The following TCAIM variants were observed in gnomAD, a reference collection of about 807,000 sequenced individuals.
The protein encoded by TCAIM is T cell activation inhibitor, mitochondrial.
TCAIM carries 36 observed loss-of-function variants against 58.6 expected under a neutral mutation model. That is an observed-to-expected ratio of 0.61 (90% CI 0.47 to 0.81). TCAIM has a LOEUF of 0.81. Among genes scored for constraint, TCAIM ranks in the 30% least tolerant of loss-of-function variants. The pLI is 0.00. For synonymous variants in TCAIM, 172 were observed against 193.6 expected, an observed-to-expected ratio of 0.89 and a Z score of 0.93; for missense variants, 466 against 579.6, an observed-to-expected ratio of 0.80 and a Z score of 2.01.
chr3:44,372,036 AGG>A lies in TCAIM; in HGVS notation c.572+4329_572+4330del, dbSNP rs1559570958. 3.5e-3 allele frequency among the ~76,000 whole-genome samples: 513 copies of A among 146,700 alleles called. 8 individuals are homozygous for A. The highest frequency in any genetic ancestry group is 0.012 in the African/African-American group (486 of 40,010). ...AAGGAAGGAAGGAAGGAAGGAAGGA[AGG>A]AAGGAAGGAAGGAAGGAAGGAAGGA... On this transcript the variant is annotated intron_variant, in intron 5 of 10. Coordinates refer to ENST00000342649, the MANE Select transcript of TCAIM (RefSeq NM_173826.4).
At chr3:44,378,436 G>T (rs1443150750) in intron 5 of TCAIM, among the ~76,000 whole-genome samples, 1 of 151,364 alleles carries the variant, frequency 6.6e-6, no homozygotes, top group East Asian at 2.0e-4. Flanking sequence ...CCATTAAAAA[G>T]CAGGCAAAGA....
intron 1 of TCAIM, among the ~76,000 whole-genome samples, chr3:44,351,547 TG>T (rs1231838548): frequency 5.9e-5 from 9 of 152,080 alleles, no homozygotes; most frequent in African/African-American, 2.2e-4. Context: ...CAGGCTGGAG[TG>T]CAGTGGCGTG....
chr3:44,370,981 G>A (rs890646403), intron 5 of TCAIM, among the ~76,000 whole-genome samples: 16 of 148,544 alleles, frequency 1.1e-4, no homozygotes, highest in East Asian at 2.0e-4. Context: ...GCCCTATCTC[G>A]GCTCACTGCA....
At chr3:44,366,176 A>T (rs1701370815) in intron 4 of TCAIM, among the ~76,000 whole-genome samples, 1 of 151,998 alleles carries the variant, frequency 6.6e-6, no homozygotes, top group African/African-American at 2.4e-5. Flanking sequence ...TTAAGCTGGA[A>T]CCATGCCTAA....
chr3:44,351,965 T>TA (rs1381992785), intron 1 of TCAIM, among the ~76,000 whole-genome samples: 2 of 151,470 alleles, frequency 1.3e-5, no homozygotes, highest in Non-Finnish European at 2.9e-5. Flanking sequence ...ATTCTATTAA[T>TA]AACAGTTATG....
chr3:44,350,938 G>T (rs1278293055), intron 1 of TCAIM, among the ~76,000 whole-genome samples: 1 of 152,050 alleles, frequency 6.6e-6, no homozygotes, highest in African/African-American at 2.4e-5. Context: ...ATGAAGTTTG[G>T]GTGAGAATTT....
intron 1 of TCAIM, among the ~76,000 whole-genome samples, chr3:44,350,333 TC>T (rs1162967625): frequency 1.3e-5 from 2 of 152,168 alleles, no homozygotes; most frequent in African/African-American, 4.8e-5. Context: ...CTTTTGTGAT[TC>T]TTCAGTTACT....
At chr3:44,396,164 T>C (rs995546645) in intron 6 of TCAIM, among the ~76,000 whole-genome samples, 2 of 152,272 alleles carry the variant, frequency 1.3e-5, no homozygotes, top group South Asian at 2.1e-4. Context: ...TTTTAAATCT[T>C]TGGATACCTG....
intron 2 of TCAIM, among the ~76,000 whole-genome samples, chr3:44,356,336 G>A (rs548003170): frequency 6.6e-6 from 1 of 152,212 alleles, no homozygotes; most frequent in South Asian, 2.1e-4. Context: ...AGACCAGCTG[G>A]GCCAACATGG....
chr3:44,367,716 AAAGTTTTTATCT>A lies in TCAIM; in HGVS notation c.572+11_572+22del, dbSNP rs1277980162. The A allele has an allele frequency of 7.5e-6, 12 of 1,596,832 alleles. No individual in the cohort carries two copies. The highest frequency in any genetic ancestry group is 1.0e-5 in the Non-Finnish European group (12 of 1,169,120). ...AGTGGAAACAACTCTCACGTATGTA[AAAGTTTTTATCT>A]AACTAAACTGTATTTGTAGTTTGTG... On this transcript the variant is annotated intron_variant, in intron 5 of 10. Transcript: ENST00000342649.
intron 5 of TCAIM, among the ~76,000 whole-genome samples, chr3:44,372,289 A>G (rs928772846): frequency 6.6e-6 from 1 of 152,160 alleles, no homozygotes; most frequent in Non-Finnish European, 1.5e-5. Context: ...AAACTGTTGA[A>G]CCATTTCAGA....
chr3:44,391,104 A>G (rs972082499), intron 5 of TCAIM: 6 of 152,232 alleles, frequency 3.9e-5, no homozygotes, highest in African/African-American at 7.2e-5. Flanking sequence ...GAGAGTTTCT[A>G]CAGAGGCAGT....
chr3:44,380,674 A>T (rs1423004170), intron 5 of TCAIM, among the ~76,000 whole-genome samples: 1 of 152,186 alleles, frequency 6.6e-6, no homozygotes. Flanking sequence ...GATATTAGAT[A>T]AACAAAATGG....
intron 5 of TCAIM, among the ~76,000 whole-genome samples, chr3:44,372,035 AAGGAAGGAAGGAAGGAAG>A (rs1342893433): frequency 2.1e-5 from 3 of 146,174 alleles, no homozygotes; most frequent in African/African-American, 7.5e-5. Flanking sequence ...GGAAGGAAGG[AAGGAAGGAAGGAAGGAAG>A]GAAGGAAGGA....
At chr3:44,377,033 T>C (rs913099766) in intron 5 of TCAIM, among the ~76,000 whole-genome samples, 6 of 152,142 alleles carry the variant, frequency 3.9e-5, no homozygotes, top group African/African-American at 1.4e-4. Context: ...GAGCTTGCAG[T>C]GAGCCGTGAT....
chr3:44,401,144 C>G, intron 9 of TCAIM, 59 bp from the exon 10 acceptor site: 1 of 1,562,566 alleles, frequency 6.4e-7, no homozygotes, highest in Non-Finnish European at 8.7e-7. Flanking sequence ...AAAATATTTT[C>G]TCTGGTGGGG....
At chr3:44,406,582 T>C (rs1702104905) in intron 10 of TCAIM, among the ~76,000 whole-genome samples, 1 of 152,230 alleles carries the variant, frequency 6.6e-6, no homozygotes, top group Non-Finnish European at 1.5e-5. Context: ...CATTTCTGTT[T>C]TTTACTGTCT....
chr3:44,359,892 T>G (rs1308914091), intron 3 of TCAIM: 1 of 152,236 alleles, frequency 6.6e-6, no homozygotes, highest in Non-Finnish European at 1.5e-5. Flanking sequence ...TAGAGTTTAA[T>G]GGTTCTGATA....
intron 6 of TCAIM, among the ~76,000 whole-genome samples, chr3:44,393,754 C>G (rs1488030020): frequency 6.6e-6 from 1 of 151,914 alleles, no homozygotes; most frequent in African/African-American, 2.4e-5. Context: ...GAGACCTCAT[C>G]TCTAAATAAT....
Sources: gnomAD v4.1 joint callset for allele counts (sites outside exome capture counted in the v4.1 genomes callset) on GRCh38, gnomAD v4.1.1 for gene constraint, MANE v1.5 for transcripts, NCBI Gene and HGNC (gene_info 2026-07-23, HGNC 2026-07-21) for gene names.